GRIN2B: variants seen among roughly 807,000 people sequenced by gnomAD.
GRIN2B encodes glutamate receptor ionotropic, NMDA 2B.
GRIN2B carries 5 observed loss-of-function variants against 114.5 expected under a neutral mutation model. The observed-to-expected ratio is 0.04, with a 90% CI of 0.02 to 0.09. The LOEUF is 0.09. Ranked by LOEUF, GRIN2B falls within the 10% of genes least tolerant of loss-of-function variation. The pLI, the probability that GRIN2B is intolerant of heterozygous loss-of-function variation, is 1.00. For missense variants in GRIN2B, 1,108 were observed against 1,943.5 expected, an observed-to-expected ratio of 0.57 and a Z score of 8.08; for synonymous variants, 787 against 745.1, an observed-to-expected ratio of 1.06 and a Z score of -0.92.
chr12:13,847,927 T>C (rs1865496690), intron 3 of GRIN2B, among the ~76,000 whole-genome samples: 1 of 152,114 alleles, frequency 6.6e-6, no homozygotes, highest in South Asian at 2.1e-4. Context: ...TGCCAGATTC[T>C]CTTCTACTTC....
chr12:13,711,642 T>C (rs1174765406), intron 4 of GRIN2B, among the ~76,000 whole-genome samples: 1 of 152,102 alleles, frequency 6.6e-6, no homozygotes, highest in East Asian at 1.9e-4. Context: ...TCATCATCAC[T>C]GGCCATCAGA....
chr12:13,700,779 ATAAG>A (rs1950304727), intron 4 of GRIN2B, among the ~76,000 whole-genome samples: 1 of 152,222 alleles, frequency 6.6e-6, no homozygotes, highest in Non-Finnish European at 1.5e-5. Flanking sequence ...TAGCAGATAA[ATAAG>A]TGTTGTTAAC....
chr12:13,738,392 C>A (rs1164754911), intron 4 of GRIN2B, among the ~76,000 whole-genome samples: 1 of 152,158 alleles, frequency 6.6e-6, no homozygotes, highest in Non-Finnish European at 1.5e-5. Flanking sequence ...AATCTATGTA[C>A]AGAGGAATTG....
intron 4 of GRIN2B, among the ~76,000 whole-genome samples, chr12:13,678,400 A>G (rs908136975): frequency 9.9e-5 from 15 of 152,140 alleles, no homozygotes; most frequent in African/African-American, 3.6e-4. Context: ...AGGGTCCAGT[A>G]TGACCGTTAC....
At chr12:13,585,488 C>T (rs1049308766) in intron 10 of GRIN2B, among the ~76,000 whole-genome samples, 4 of 152,292 alleles carry the variant, frequency 2.6e-5, no homozygotes, top group East Asian at 3.9e-4. Context: ...AGGGACACTC[C>T]GGTTTATGGA....
intron 4 of GRIN2B, among the ~76,000 whole-genome samples, chr12:13,729,783 A>G (rs974255047): frequency 3.0e-5 from 4 of 131,182 alleles, no homozygotes; most frequent in Non-Finnish European, 6.3e-5. Context: ...GAAAGAAACC[A>G]GGAGTAGGGT....
At chr12:13,939,543 C>CTTTTT (rs59671145) in intron 2 of GRIN2B, among the ~76,000 whole-genome samples, 169 of 88,022 alleles carry the variant, frequency 1.9e-3, no homozygotes, top group Non-Finnish European at 2.5e-3. Context: ...CTGCACCGTG[C>CTTTTT]TTTTTTTTTT....
chr12:13,836,479 T>C (rs1464168855), intron 3 of GRIN2B, among the ~76,000 whole-genome samples: 1 of 152,214 alleles, frequency 6.6e-6, no homozygotes, highest in Non-Finnish European at 1.5e-5. Context: ...ATGCTGGCAA[T>C]TCAGGGAAGA....
At chr12:13,923,522 T>C (rs111958987) in intron 2 of GRIN2B, among the ~76,000 whole-genome samples, 119 of 152,338 alleles carry the variant, frequency 7.8e-4, no homozygotes, top group African/African-American at 2.5e-3. Context: ...GTGACCTCTA[T>C]GGTACATTGT....
chr12:13,689,359 A>C (rs1950196615), intron 4 of GRIN2B, among the ~76,000 whole-genome samples: 1 of 152,224 alleles, frequency 6.6e-6, no homozygotes, highest in African/African-American at 2.4e-5. Context: ...GGCACATAGT[A>C]GGCACTCAGT....
At chr12:13,664,634 G>C (rs1591665228) in intron 5 of GRIN2B, among the ~76,000 whole-genome samples, 1 of 152,152 alleles carries the variant, frequency 6.6e-6, no homozygotes, top group Non-Finnish European at 1.5e-5. Flanking sequence ...TGATGAATTT[G>C]AAGATCAGTG....
At chr12:13,913,400 GC>G (rs901416273) in intron 2 of GRIN2B, among the ~76,000 whole-genome samples, 2 of 152,052 alleles carry the variant, frequency 1.3e-5, no homozygotes, top group Admixed American at 6.6e-5. Context: ...CTCTAACAGT[GC>G]CCCCTTTGAG....
chr12:13,713,715 G>A (rs1950433279), intron 4 of GRIN2B, among the ~76,000 whole-genome samples: 1 of 151,816 alleles, frequency 6.6e-6, no homozygotes, highest in African/African-American at 2.4e-5. Flanking sequence ...TAATGCTTAA[G>A]AAAAGTACGT....
At chr12:13,739,474 A>T (rs7977831) in intron 4 of GRIN2B, among the ~76,000 whole-genome samples, 122,283 of 150,470 alleles carry the variant, frequency 0.81, 50,052 homozygotes, top group African/African-American at 0.89. Flanking sequence ...ACTTTATTCA[A>T]CATTACTGCC....
At chr12:13,926,335 G>C (rs1866910197) in intron 2 of GRIN2B, among the ~76,000 whole-genome samples, 2 of 152,148 alleles carry the variant, frequency 1.3e-5, no homozygotes, top group Non-Finnish European at 2.9e-5. Flanking sequence ...GTACCTTATT[G>C]AATCTCGGGG....
intron 4 of GRIN2B, among the ~76,000 whole-genome samples, chr12:13,722,755 T>C (rs183282764): frequency 6.6e-6 from 1 of 152,224 alleles, no homozygotes; most frequent in African/African-American, 2.4e-5. Context: ...TTGAGATCCG[T>C]GGCTTCATCA....
chr12:13,666,105 G>T (rs1245181240), intron 5 of GRIN2B, among the ~76,000 whole-genome samples: 1 of 152,188 alleles, frequency 6.6e-6, no homozygotes, highest in African/African-American at 2.4e-5. Context: ...CAGGAATGTG[G>T]TGTGCACCTG....
chr12:13,939,849 AC>A (rs1421164607), intron 2 of GRIN2B, among the ~76,000 whole-genome samples: 3 of 152,156 alleles, frequency 2.0e-5, no homozygotes, highest in African/African-American at 7.2e-5. Context: ...TTATAACAAC[AC>A]AAAATGGACT....
At chr12:13,631,153 A>C (rs1949612578) in intron 5 of GRIN2B, among the ~76,000 whole-genome samples, 1 of 152,158 alleles carries the variant, frequency 6.6e-6, no homozygotes. Flanking sequence ...TTGGTTGGCA[A>C]CGCAGAGCCA....
Sources: allele counts gnomAD v4.1 joint callset (sites outside exome capture counted in the v4.1 genomes callset), GRCh38; gene constraint gnomAD v4.1.1; transcripts MANE v1.5; gene names NCBI Gene and HGNC (gene_info 2026-07-23, HGNC 2026-07-21).